Variants in AFF3 observed in about 807,000 individuals in gnomAD.
AFF3 encodes AF4/FMR2 family member 3.
AFF3 carries 32 observed loss-of-function variants against 129.7 expected under a neutral mutation model. The observed-to-expected ratio is 0.25, with a 90% CI of 0.19 to 0.33. AFF3 has a LOEUF of 0.33. Ranked by LOEUF, AFF3 falls within the 10% of genes least tolerant of loss-of-function variation. AFF3 has a pLI of 1.00. For missense variants in AFF3, 1,373 were observed against 1,592.0 expected, an observed-to-expected ratio of 0.86 and a Z score of 2.34; for synonymous variants, 644 against 635.4, an observed-to-expected ratio of 1.01 and a Z score of -0.20.
rs550935510 is a variant in AFF3, at chr2:99,870,406, G to A, written c.874-32882C>T. On this transcript the variant is annotated intron_variant, in intron 7 of 24. Transcript: ENST00000672756. The stretch of plus-strand genomic sequence containing the variant: ...GGCCCCTTCCCCACAGCAGGTGGAG[G>A]AGAGGGCAAGGTCATGTCTGCCCTC... 7.2e-5 allele frequency among the ~76,000 whole-genome samples: 11 copies of A among 152,354 alleles called. 1 individual carries two copies. In the South Asian group the frequency reaches 2.1e-3, roughly 29 times the overall value.
At chr2:99,879,188 T>C (rs758953868) in intron 7 of AFF3, among the ~76,000 whole-genome samples, 1 of 152,190 alleles carries the variant, frequency 6.6e-6, no homozygotes, top group Non-Finnish European at 1.5e-5. Flanking sequence ...CTATTATTTA[T>C]GCTTTTGAAA....
chr2:100,039,848 T>G (rs1163255843), intron 4 of AFF3, among the ~76,000 whole-genome samples: 1 of 152,130 alleles, frequency 6.6e-6, no homozygotes, highest in African/African-American at 2.4e-5. Flanking sequence ...CCAGGCACCT[T>G]GTGCTCACAT....
intron 4 of AFF3, among the ~76,000 whole-genome samples, chr2:100,013,533 T>C (rs1559056914): frequency 6.6e-6 from 1 of 152,222 alleles, no homozygotes; most frequent in Non-Finnish European, 1.5e-5. Flanking sequence ...CAAAGTACCT[T>C]ACTCAGCTCT....
intron 9 of AFF3, among the ~76,000 whole-genome samples, chr2:99,751,426 C>T (rs1681646288): frequency 6.6e-6 from 1 of 152,146 alleles, no homozygotes; most frequent in South Asian, 2.1e-4. Context: ...AGTAACGATA[C>T]ATATTGTTGA....
At chr2:99,636,889 C>T (rs1374426209) in intron 13 of AFF3, among the ~76,000 whole-genome samples, 1 of 152,228 alleles carries the variant, frequency 6.6e-6, no homozygotes, top group Non-Finnish European at 1.5e-5. Flanking sequence ...GCAGCCAAGG[C>T]TGGCCCGGGG....
chr2:99,760,240 T>C (rs889409282), intron 8 of AFF3, among the ~76,000 whole-genome samples: 1 of 152,208 alleles, frequency 6.6e-6, no homozygotes, highest in Admixed American at 6.5e-5. Context: ...ATAAGTATCA[T>C]GCAAATGTAG....
At chr2:100,079,275 G>A (rs1688852058) in intron 4 of AFF3, among the ~76,000 whole-genome samples, 1 of 152,116 alleles carries the variant, frequency 6.6e-6, no homozygotes, top group South Asian at 2.1e-4. Flanking sequence ...TCCAAGTTTG[G>A]TTGAATCCAC....
At chr2:99,719,033 G>GAGCC (rs1409587165) in intron 11 of AFF3, among the ~76,000 whole-genome samples, 4 of 146,598 alleles carry the variant, frequency 2.7e-5, no homozygotes, top group Admixed American at 6.9e-5. Context: ...TTATAGGTGT[G>GAGCC]AGCCAACGCG....
intron 10 of AFF3, among the ~76,000 whole-genome samples, chr2:99,730,727 C>T (rs1477630682): frequency 1.3e-5 from 2 of 151,980 alleles, no homozygotes; most frequent in Non-Finnish European, 2.9e-5. Flanking sequence ...ATTGGCCAGG[C>T]TGGTCTCCAA....
intron 13 of AFF3, among the ~76,000 whole-genome samples, chr2:99,640,048 C>T (rs62154531): frequency 0.1 from 15,765 of 152,070 alleles, 915 homozygotes; most frequent in East Asian, 0.16. Context: ...GTAGCCTCCT[C>T]GGAGGCATGC....
At chr2:100,119,099 G>A (rs1691847687) in intron 2 of AFF3, among the ~76,000 whole-genome samples, 1 of 152,214 alleles carries the variant, frequency 6.6e-6, no homozygotes, top group African/African-American at 2.4e-5. Flanking sequence ...ACCACACCTA[G>A]CCCTAATTCT....
chr2:99,754,718 G>T (rs1681945786), intron 8 of AFF3, among the ~76,000 whole-genome samples: 1 of 152,178 alleles, frequency 6.6e-6, no homozygotes, highest in African/African-American at 2.4e-5. Flanking sequence ...GAGTGGAATA[G>T]CAGACAAACT....
intron 13 of AFF3, among the ~76,000 whole-genome samples, chr2:99,611,756 G>A (rs1034191293): frequency 5.9e-5 from 9 of 152,078 alleles, no homozygotes; most frequent in South Asian, 2.1e-4. Context: ...GTGTGGTGGC[G>A]CGCGCCTGTA....
chr2:99,727,086 G>C lies in AFF3; in HGVS notation c.1082C>G (p.Ser361Trp). Residue 361 changes from serine to tryptophan, a missense_variant, in exon 11 of 25, where the codon TCG becomes TGG. Physicochemically the swap from Ser to Trp is radical, Grantham distance 177 (BLOSUM62 -3). Coordinates refer to ENST00000672756, the MANE Select transcript of AFF3 (RefSeq NM_001386135.1). ...AATGAAAGAAACTTACGATGTATTC[G>C]ATGTGCCATTGTCTGGACTCTCTGG... ...AEPESPDNGT[S>W]NTSMLEDDLK... The C allele has an allele frequency of 6.2e-7, 1 of 1,605,462 alleles. No homozygotes were observed. Among genetic ancestry groups the C allele is most frequent in the Non-Finnish European group, 8.5e-7 (1 of 1,177,780 alleles).
intron 8 of AFF3, among the ~76,000 whole-genome samples, chr2:99,767,144 C>G (rs1465178067): frequency 6.6e-6 from 1 of 152,224 alleles, no homozygotes; most frequent in Non-Finnish European, 1.5e-5. Flanking sequence ...CACATTTAGA[C>G]ACTCAGACTA....
chr2:99,584,192 G>T (rs1479306797), intron 16 of AFF3, among the ~76,000 whole-genome samples: 3 of 152,272 alleles, frequency 2.0e-5, no homozygotes, highest in Non-Finnish European at 4.4e-5. Context: ...AGGAGGCCGG[G>T]TGTGGTGGCT....
intron 8 of AFF3, among the ~76,000 whole-genome samples, chr2:99,755,594 C>T (rs924213433): frequency 3.9e-5 from 6 of 152,108 alleles, no homozygotes; most frequent in Admixed American, 3.9e-4. Context: ...GGCAACTGGG[C>T]AATCTTATGG....
At chr2:99,981,087 C>A (rs937459605) in intron 7 of AFF3, among the ~76,000 whole-genome samples, 1 of 152,192 alleles carries the variant, frequency 6.6e-6, no homozygotes, top group Non-Finnish European at 1.5e-5. Flanking sequence ...GTGATCTCGG[C>A]TCACTGCTGC....
chr2:100,071,815 T>C (rs1252667231), intron 4 of AFF3, among the ~76,000 whole-genome samples: 1 of 152,164 alleles, frequency 6.6e-6, no homozygotes, highest in Non-Finnish European at 1.5e-5. Flanking sequence ...CAACTGTCTT[T>C]TTCCAACAAA....
Sources: allele counts gnomAD v4.1 joint callset (sites outside exome capture counted in the v4.1 genomes callset), GRCh38; gene constraint gnomAD v4.1.1; transcripts MANE v1.5; gene names NCBI Gene and HGNC (gene_info 2026-07-23, HGNC 2026-07-21).